Variants in LRRTM4 observed in about 807,000 individuals in gnomAD.
LRRTM4 encodes the protein leucine-rich repeat transmembrane neuronal protein 4.
LRRTM4 carries 25 observed loss-of-function variants against 47.6 expected under a neutral mutation model. That is an observed-to-expected ratio of 0.53 (90% CI 0.38 to 0.73). The LOEUF is 0.73. Among genes scored for constraint, LRRTM4 ranks in the 30% least tolerant of loss-of-function variants. LRRTM4 has a pLI of 0.00. For missense variants in LRRTM4, 638 were observed against 713.4 expected, an observed-to-expected ratio of 0.89 and a Z score of 1.20; for synonymous variants, 311 against 269.5, an observed-to-expected ratio of 1.15 and a Z score of -1.51.
At chr2:77,480,007 A>T (rs1677608100) in intron 3 of LRRTM4, among the ~76,000 whole-genome samples, 1 of 152,196 alleles carries the variant, frequency 6.6e-6, no homozygotes, top group African/African-American at 2.4e-5. Flanking sequence ...TCTCAGCCTA[A>T]TTTGGCATGT....
chr2:76,871,464 A>C (rs946224882), intron 3 of LRRTM4, among the ~76,000 whole-genome samples: 1 of 152,148 alleles, frequency 6.6e-6, no homozygotes. Context: ...TCTAGTCAAG[A>C]CCATCACTGG....
chr2:77,183,408 G>A (rs537969320), intron 3 of LRRTM4, among the ~76,000 whole-genome samples: 231 of 152,108 alleles, frequency 1.5e-3, no homozygotes, highest in African/African-American at 4.3e-3. Context: ...TTAGAATGGC[G>A]ATCATTAAAA....
At chr2:76,991,558 A>C (rs954469380) in intron 3 of LRRTM4, among the ~76,000 whole-genome samples, 4 of 151,742 alleles carry the variant, frequency 2.6e-5, no homozygotes, top group Non-Finnish European at 3.0e-5. Context: ...AATTCCTTGA[A>C]ATGCACAACT....
Position 77,519,753 on chromosome 2 carries a change from C to T in LRRTM4, c.116G>A (p.Arg39Lys). 6.2e-7 allele frequency: 1 copy of T among 1,613,314 alleles called. No homozygotes were observed. Among genetic ancestry groups the T allele is most frequent in the South Asian group, 1.1e-5 (1 of 91,074 alleles). The change falls in exon 3 of 4, where the codon AGA (arginine) becomes AAA (lysine). Residue 39 changes from arginine to lysine, a missense_variant. Physicochemically the swap from Arg to Lys is conservative, Grantham distance 26. Coordinates refer to ENST00000409884, the MANE Select transcript of LRRTM4 (RefSeq NM_001134745.3). This position sits in a 1 kb window ranked among gnomAD's most constrained non-coding sequence, Gnocchi z 4.6. ...GAQRACPKNC[R>K]CDGKIVYCES... ...ACAGTACACAATTTTGCCATCACATCTGCAGTTCTTTGGGCAAGCTCTCTG... is the reference window on the plus strand; with the variant it reads ...ACAGTACACAATTTTGCCATCACATTTGCAGTTCTTTGGGCAAGCTCTCTG...
chr2:76,780,729 T>G (rs980559385), intron 3 of LRRTM4, among the ~76,000 whole-genome samples: 1 of 152,180 alleles, frequency 6.6e-6, no homozygotes, highest in African/African-American at 2.4e-5. Context: ...TCAGAGTAAT[T>G]TGATTGTCTG....
In LRRTM4 at chr2:76,910,622, G is replaced by A. The variant is rs1205104924; in HGVS notation, c.1552-161706C>T. On this transcript the variant is annotated intron_variant, in intron 3 of 3. Coordinates refer to ENST00000409884, the MANE Select transcript of LRRTM4 (RefSeq NM_001134745.3). ...ATGTATGTATCCAAAAATAGAGCTAGTATTAAATTTTTTATTCACGACCAT... is the reference window on the plus strand; with the variant it reads ...ATGTATGTATCCAAAAATAGAGCTAATATTAAATTTTTTATTCACGACCAT... Among the ~76,000 whole-genome samples, 9 of 152,262 alleles carry A rather than the reference G, an allele frequency of 5.9e-5. No homozygotes were observed. The South Asian group carries it at 1.9e-3, about 32-fold the overall frequency.
At chr2:76,938,258 A>G (rs1213319200) in intron 3 of LRRTM4, among the ~76,000 whole-genome samples, 2 of 152,180 alleles carry the variant, frequency 1.3e-5, no homozygotes, top group South Asian at 2.1e-4. Context: ...TGAGTTAATC[A>G]AAAATGCATC....
chr2:77,202,527 A>G (rs1674005883), intron 3 of LRRTM4, among the ~76,000 whole-genome samples: 1 of 151,886 alleles, frequency 6.6e-6, no homozygotes, highest in Non-Finnish European at 1.5e-5. Flanking sequence ...CTAGATTGCC[A>G]TTTTACATTG....
intron 3 of LRRTM4, among the ~76,000 whole-genome samples, chr2:77,435,371 T>C (rs1032960042): frequency 1.3e-5 from 2 of 152,170 alleles, no homozygotes; most frequent in Non-Finnish European, 2.9e-5. Context: ...TGAGACATAT[T>C]TTAAAGTTTT....
chr2:77,127,439 C>G (rs1331385918), intron 3 of LRRTM4, among the ~76,000 whole-genome samples: 1 of 152,120 alleles, frequency 6.6e-6, no homozygotes. Context: ...TCCAAGATAG[C>G]CCTCAATGAT....
At chr2:77,450,865 A>G (rs1405366513) in intron 3 of LRRTM4, among the ~76,000 whole-genome samples, 1 of 152,124 alleles carries the variant, frequency 6.6e-6, no homozygotes, top group Non-Finnish European at 1.5e-5. Flanking sequence ...AACATATTAC[A>G]TTCCCCAATA....
intron 3 of LRRTM4, among the ~76,000 whole-genome samples, chr2:77,246,621 C>T (rs1489029738): frequency 6.6e-6 from 1 of 152,024 alleles, no homozygotes; most frequent in African/African-American, 2.4e-5. Flanking sequence ...TTCTAGAAAA[C>T]TTCTTTAGAC....
intron 3 of LRRTM4, among the ~76,000 whole-genome samples, chr2:76,796,543 C>T (rs555814851): frequency 1.4e-4 from 18 of 125,588 alleles, no homozygotes; most frequent in African/African-American, 4.0e-4. Flanking sequence ...CCCCCAAGCA[C>T]GGGCACACTG....
intron 3 of LRRTM4, among the ~76,000 whole-genome samples, chr2:77,243,918 C>A (rs1212888597): frequency 7.4e-6 from 1 of 135,830 alleles, no homozygotes; most frequent in Admixed American, 7.6e-5. Context: ...TATCCCTCCC[C>A]GCTCCCCCCA....
At chr2:77,468,733 C>G (rs1250355804) in intron 3 of LRRTM4, among the ~76,000 whole-genome samples, 1 of 152,112 alleles carries the variant, frequency 6.6e-6, no homozygotes, top group Non-Finnish European at 1.5e-5. Context: ...TACCCTGGCT[C>G]TCTCCCTGCT....
intron 3 of LRRTM4, among the ~76,000 whole-genome samples, chr2:77,162,914 C>G (rs1672771970): frequency 6.6e-6 from 1 of 152,184 alleles, no homozygotes. Flanking sequence ...CAGAGCACCT[C>G]TTCTCCTCCA....
At chr2:76,979,230 A>T (rs1351465314) in intron 3 of LRRTM4, among the ~76,000 whole-genome samples, 1 of 151,996 alleles carries the variant, frequency 6.6e-6, no homozygotes, top group African/African-American at 2.4e-5. Context: ...AGGTCATTGG[A>T]ATTCTGCATG....
chr2:76,915,068 A>C (rs1017987408), intron 3 of LRRTM4, among the ~76,000 whole-genome samples: 8 of 152,216 alleles, frequency 5.3e-5, no homozygotes, highest in Non-Finnish European at 7.3e-5. Context: ...AAATCTTTGA[A>C]AACTTTTAAA....
At chr2:77,330,614 T>C (rs1178610480) in intron 3 of LRRTM4, among the ~76,000 whole-genome samples, 1 of 152,148 alleles carries the variant, frequency 6.6e-6, no homozygotes, top group Non-Finnish European at 1.5e-5. Context: ...ATAATCTGAG[T>C]TCTATTTTAT....
Sources: gnomAD v4.1 joint callset for allele counts (sites outside exome capture counted in the v4.1 genomes callset) on GRCh38, gnomAD v4.1.1 for gene constraint, Gnocchi (gnomAD v3.1) non-coding constraint, MANE v1.5 for transcripts, NCBI Gene and HGNC (gene_info 2026-07-23, HGNC 2026-07-21) for gene names.